SBF2: variants seen among roughly 807,000 people sequenced by gnomAD.
SBF2 encodes SET binding factor 2.
Under a neutral mutation model 225.2 loss-of-function variants are expected in SBF2, and 112 were observed. That is an observed-to-expected ratio of 0.50 (90% CI 0.43 to 0.58). The LOEUF (loss-of-function observed/expected upper bound fraction) is 0.58. Among genes scored for constraint, SBF2 ranks in the 20% least tolerant of loss-of-function variants. The probability of loss-of-function intolerance (pLI) is 0.00; values close to 1 mark genes in which losing one functional copy is unlikely to be tolerated. For missense variants in SBF2, 1,996 were observed against 2,206.2 expected (o/e 0.90, Z 1.91); for synonymous variants, 763 against 773.3 (o/e 0.99, Z 0.22).
At chr11:9,826,931 G>C (rs546415131) in intron 28 of SBF2, among the ~76,000 whole-genome samples, 2 of 151,810 alleles carry the variant, frequency 1.3e-5, no homozygotes, top group Admixed American at 6.6e-5. Context: ...TCTGCCTCCC[G>C]GGTTCAACTG....
intron 3 of SBF2, among the ~76,000 whole-genome samples, chr11:10,036,394 C>T (rs979720463): frequency 6.6e-5 from 10 of 151,920 alleles, no homozygotes; most frequent in African/African-American, 1.5e-4. Context: ...ACATGTACCC[C>T]AGAACTTAAA....
intron 2 of SBF2, among the ~76,000 whole-genome samples, chr11:10,183,980 A>T (rs1956833482): frequency 6.6e-6 from 1 of 152,236 alleles, no homozygotes; most frequent in African/African-American, 2.4e-5. Flanking sequence ...TCAAAAACTT[A>T]GAAGATTCTG....
At chr11:10,156,095 T>A (rs1179343400) in intron 2 of SBF2, among the ~76,000 whole-genome samples, 2 of 152,148 alleles carry the variant, frequency 1.3e-5, no homozygotes, top group Non-Finnish European at 2.9e-5. Flanking sequence ...AAGCCCCCCC[T>A]ATCCCCACAG....
At chr11:9,871,844 T>C (rs1395044398) in intron 17 of SBF2, among the ~76,000 whole-genome samples, 2 of 152,016 alleles carry the variant, frequency 1.3e-5, no homozygotes, top group Non-Finnish European at 2.9e-5. Flanking sequence ...GGTTGCACAG[T>C]ATAGGAACAC....
intron 17 of SBF2, among the ~76,000 whole-genome samples, chr11:9,864,773 A>G (rs928191302): frequency 5.3e-5 from 8 of 152,186 alleles, no homozygotes; most frequent in African/African-American, 1.9e-4. Flanking sequence ...GGATAAATCA[A>G]TTTCTTTCCT....
chr11:10,255,577 G>A (rs555937106), intron 1 of SBF2, among the ~76,000 whole-genome samples: 2 of 152,272 alleles, frequency 1.3e-5, no homozygotes, highest in Admixed American at 1.3e-4. Context: ...GAGCAACACT[G>A]AACACTATTA....
rs1383195932 is a variant in SBF2, at chr11:9,942,942, G to GAAA, written c.1860+19014_1860+19015insTTT. Among the ~76,000 whole-genome samples, 527 of 77,448 alleles carry GAAA rather than the reference G, an allele frequency of 6.8e-3. 2 individuals carry two copies. The highest frequency in any genetic ancestry group is 0.026 in the Middle Eastern group (3 of 116). The allele number at this position is 77,448 out of a possible 152,430, so 50.8% of individuals were successfully genotyped here. On this transcript the variant is annotated intron_variant, in intron 16 of 39. Coordinates refer to ENST00000256190, the MANE Select transcript of SBF2 (RefSeq NM_030962.4). ...AAGAAAGAAAGAAAGAAAGAAAGAA[G>GAAA]GAAGGAACGAAGGAAGGAAAGAAGG...
At chr11:10,275,465 T>C (rs1962880655) in intron 1 of SBF2, among the ~76,000 whole-genome samples, 1 of 152,158 alleles carries the variant, frequency 6.6e-6, no homozygotes, top group African/African-American at 2.4e-5. Flanking sequence ...CTAAAATATT[T>C]TAAGTTATTT....
At chr11:9,978,827 C>T (rs892925649) in intron 13 of SBF2, among the ~76,000 whole-genome samples, 1 of 152,044 alleles carries the variant, frequency 6.6e-6, no homozygotes, top group African/African-American at 2.4e-5. Context: ...GAAACTCCGT[C>T]TCCACCAAAA....
intron 2 of SBF2, among the ~76,000 whole-genome samples, chr11:10,103,048 C>T (rs141599311): frequency 6.6e-6 from 1 of 152,080 alleles, no homozygotes; most frequent in Non-Finnish European, 1.5e-5. Context: ...AGAGAAGAAA[C>T]AGATTCAGTT....
intron 6 of SBF2, among the ~76,000 whole-genome samples, chr11:10,005,938 A>T (rs1048116650): frequency 6.6e-6 from 1 of 152,146 alleles, no homozygotes; most frequent in African/African-American, 2.4e-5. Context: ...AGGGGTAGGA[A>T]GGACCTTGGA....
At chr11:9,945,101 A>T (rs1413853036) in intron 16 of SBF2, among the ~76,000 whole-genome samples, 1 of 152,074 alleles carries the variant, frequency 6.6e-6, no homozygotes, top group Non-Finnish European at 1.5e-5. Flanking sequence ...CCAAGATTCT[A>T]TCTCAAAAAA....
chr11:10,114,636 A>C (rs1953044368), intron 2 of SBF2, among the ~76,000 whole-genome samples: 1 of 152,226 alleles, frequency 6.6e-6, no homozygotes, highest in Non-Finnish European at 1.5e-5. Context: ...TTTAATATCA[A>C]TTATTGTATG....
chr11:9,975,931 T>C (rs1946658583), intron 13 of SBF2, among the ~76,000 whole-genome samples: 1 of 152,296 alleles, frequency 6.6e-6, no homozygotes, highest in Admixed American at 6.5e-5. Context: ...GTAAAGGGCG[T>C]AGATTTTATT....
intron 2 of SBF2, among the ~76,000 whole-genome samples, chr11:10,128,997 C>T (rs1953893894): frequency 6.6e-6 from 1 of 151,522 alleles, no homozygotes; most frequent in South Asian, 2.1e-4. Flanking sequence ...CTAAAAGAGT[C>T]ATGTTTCCCA....
At chr11:9,924,130 C>T (rs2134234543) in intron 16 of SBF2, among the ~76,000 whole-genome samples, 1 of 152,314 alleles carries the variant, frequency 6.6e-6, no homozygotes, top group Non-Finnish European at 1.5e-5. Flanking sequence ...GACTGAAATA[C>T]AGATGGTCCT....
At chr11:10,028,689 C>G in intron 5 of SBF2, 132 bp from the exon 6 acceptor site, 1 of 696,606 alleles carries the variant, frequency 1.4e-6, no homozygotes, top group Non-Finnish European at 2.6e-6. Flanking sequence ...CAAAAGGCAA[C>G]AATGTATATC....
chr11:10,229,861 A>ATATCC (rs1958750931), intron 1 of SBF2, among the ~76,000 whole-genome samples: 2 of 152,106 alleles, frequency 1.3e-5, no homozygotes, highest in African/African-American at 4.8e-5. Context: ...CAAGTCCTGG[A>ATATCC]TATCCTTGTT....
chr11:9,951,115 T>C (rs1336730733), intron 16 of SBF2, among the ~76,000 whole-genome samples: 3 of 149,608 alleles, frequency 2.0e-5, no homozygotes, highest in Non-Finnish European at 4.5e-5. Context: ...TGAGTAGGAG[T>C]TGGCCAAGGG....
Sources: gnomAD v4.1 joint callset for allele counts (sites outside exome capture counted in the v4.1 genomes callset) on GRCh38, gnomAD v4.1.1 for gene constraint, MANE v1.5 for transcripts, NCBI Gene and HGNC (gene_info 2026-07-23, HGNC 2026-07-21) for gene names.